Variants in DSCAM observed in about 807,000 individuals in gnomAD.
DSCAM encodes the protein DS cell adhesion molecule.
A neutral mutation model predicts 217.7 loss-of-function variants in DSCAM; 47 were observed. The observed-to-expected ratio is 0.22, with a 90% CI of 0.17 to 0.28. The LOEUF (loss-of-function observed/expected upper bound fraction) is 0.28. Among genes scored for constraint, DSCAM ranks in the 10% least tolerant of loss-of-function variants. DSCAM has a pLI of 1.00. For missense variants in DSCAM, 2,080 were observed against 2,618.3 expected, an observed-to-expected ratio of 0.79 and a Z score of 4.49; for synonymous variants, 1,056 against 1,015.3, an observed-to-expected ratio of 1.04 and a Z score of -0.76.
chr21:40,801,851 T>C (rs2091744546), intron 1 of DSCAM, among the ~76,000 whole-genome samples: 1 of 152,114 alleles, frequency 6.6e-6, no homozygotes, highest in Non-Finnish European at 1.5e-5. Flanking sequence ...AAGGATGTCA[T>C]CAAAAGCTTG....
chr21:40,309,560 C>T (rs966335631), intron 9 of DSCAM, among the ~76,000 whole-genome samples: 1 of 152,082 alleles, frequency 6.6e-6, no homozygotes, highest in Non-Finnish European at 1.5e-5. Flanking sequence ...GGGACAGGTG[C>T]TTCTCCCATA....
At chr21:40,712,477 A>G (rs1299432295) in intron 1 of DSCAM, among the ~76,000 whole-genome samples, 11 of 146,722 alleles carry the variant, frequency 7.5e-5, no homozygotes, top group Non-Finnish European at 1.4e-4. Context: ...CTCAAAAAAA[A>G]AAAAAAAAAA....
chr21:40,600,459 C>A (rs1160834011), intron 3 of DSCAM, among the ~76,000 whole-genome samples: 3 of 152,190 alleles, frequency 2.0e-5, no homozygotes, highest in Non-Finnish European at 4.4e-5. Context: ...TTAATCACCT[C>A]TCAAAGGCCC....
intron 3 of DSCAM, among the ~76,000 whole-genome samples, chr21:40,526,924 C>A (rs1193885766): frequency 6.6e-6 from 1 of 152,022 alleles, no homozygotes; most frequent in Non-Finnish European, 1.5e-5. Context: ...AGCTTTGGAG[C>A]CAGGAGGTCA....
intron 3 of DSCAM, among the ~76,000 whole-genome samples, chr21:40,447,665 T>C (rs2075685730): frequency 6.6e-6 from 1 of 152,258 alleles, no homozygotes; most frequent in Non-Finnish European, 1.5e-5. Context: ...CTCCTTACTG[T>C]GGTTATGGCA....
intron 4 of DSCAM, among the ~76,000 whole-genome samples, chr21:40,354,902 A>G (rs925750620): frequency 9.2e-5 from 14 of 151,734 alleles, no homozygotes; most frequent in African/African-American, 3.4e-4. Flanking sequence ...TAGCTGTTTA[A>G]CTTTAGTAAA....
At chr21:40,726,887 G>C (rs1443485846) in intron 1 of DSCAM, among the ~76,000 whole-genome samples, 1 of 152,126 alleles carries the variant, frequency 6.6e-6, no homozygotes, top group Admixed American at 6.5e-5. Flanking sequence ...GGTTGTCATG[G>C]AAGTGGGACT....
intron 10 of DSCAM, 103 bp from the exon 11 acceptor site, chr21:40,276,373 G>T: frequency 9.7e-7 from 1 of 1,027,610 alleles, no homozygotes; most frequent in Non-Finnish European, 1.3e-6. Flanking sequence ...GCTTCACACT[G>T]ATCCCATAAG....
intron 3 of DSCAM, among the ~76,000 whole-genome samples, chr21:40,411,185 C>T (rs1282889804): frequency 3.5e-5 from 5 of 143,248 alleles, no homozygotes; most frequent in African/African-American, 1.3e-4. Context: ...TACACACACA[C>T]ACACACACAC....
At chr21:40,223,883 A>G (rs889172355) in intron 11 of DSCAM, among the ~76,000 whole-genome samples, 12 of 152,172 alleles carry the variant, frequency 7.9e-5, no homozygotes, top group Non-Finnish European at 1.8e-4. Flanking sequence ...AGATAGGCCC[A>G]TGTGATGGTT....
intron 27 of DSCAM, among the ~76,000 whole-genome samples, chr21:40,072,313 C>A (rs1471923964): frequency 6.6e-6 from 1 of 151,814 alleles, no homozygotes; most frequent in African/African-American, 2.4e-5. Flanking sequence ...AATTGGGTAC[C>A]CAATCCTTGG....
intron 3 of DSCAM, among the ~76,000 whole-genome samples, chr21:40,524,098 T>C (rs910187358): frequency 2.6e-5 from 4 of 152,176 alleles, no homozygotes; most frequent in Non-Finnish European, 5.9e-5. Context: ...ACAATCTTAG[T>C]GGCAGTTGGG....
At chr21:40,084,076 T>G in intron 23 of DSCAM, 70 bp from the exon 24 acceptor site, 1 of 1,242,786 alleles carries the variant, frequency 8.0e-7, no homozygotes. Context: ...GAACAGTCAT[T>G]TACCAACTCA....
In DSCAM at chr21:40,093,878, TAA is replaced by T. The variant is rs999365418; in HGVS notation, c.3697-6_3697-5del. 3 of 1,612,042 alleles carry T rather than the reference TAA, an allele frequency of 1.9e-6. No homozygotes were observed. In the African/African-American group the frequency reaches 4.0e-5, roughly 22 times the overall value. On this transcript the variant is annotated splice_polypyrimidine_tract_variant and splice_region_variant and intron_variant, in intron 20 of 32. Transcript: ENST00000400454. ...AGGCCTCAAACTCGCTGATCACCTGTAAAAAGAGACATAAGTGTTCCCACATT... is the reference window on the plus strand; with the variant it reads ...AGGCCTCAAACTCGCTGATCACCTGTAAAGAGACATAAGTGTTCCCACATT...
chr21:40,272,966 C>A (rs1268498603), intron 11 of DSCAM, among the ~76,000 whole-genome samples: 1 of 152,040 alleles, frequency 6.6e-6, no homozygotes, highest in Non-Finnish European at 1.5e-5. Flanking sequence ...CTAAAGACAC[C>A]ACTCCAGGGC....
At chr21:40,608,790 A>G (rs1338819433) in intron 3 of DSCAM, among the ~76,000 whole-genome samples, 1 of 152,200 alleles carries the variant, frequency 6.6e-6, no homozygotes, top group Non-Finnish European at 1.5e-5. Flanking sequence ...CAATACTCTT[A>G]AAGGATACAA....
At chr21:40,731,655 A>G (rs2091012143) in intron 1 of DSCAM, among the ~76,000 whole-genome samples, 3 of 151,818 alleles carry the variant, frequency 2.0e-5, no homozygotes, top group Admixed American at 2.0e-4. Flanking sequence ...TCTTCTTATA[A>G]GGATATCAGT....
chr21:40,684,398 T>G (rs948835811), intron 3 of DSCAM, among the ~76,000 whole-genome samples: 1 of 151,908 alleles, frequency 6.6e-6, no homozygotes, highest in Admixed American at 6.6e-5. Flanking sequence ...TGCTGGATGG[T>G]TTACTCCATC....
intron 1 of DSCAM, among the ~76,000 whole-genome samples, chr21:40,725,332 C>T (rs972698351): frequency 4.1e-5 from 6 of 146,178 alleles, no homozygotes; most frequent in African/African-American, 1.3e-4. Context: ...ATCAGCAATG[C>T]CTACTGTCGC....
Sources: gnomAD v4.1 joint callset for allele counts (sites outside exome capture counted in the v4.1 genomes callset) on GRCh38, gnomAD v4.1.1 for gene constraint, MANE v1.5 for transcripts, NCBI Gene and HGNC (gene_info 2026-07-23, HGNC 2026-07-21) for gene names.